The following CTBP2 variants were observed in gnomAD, a reference collection of about 807,000 sequenced individuals.
CTBP2 encodes the protein C-terminal-binding protein 2.
In CTBP2, 30 loss-of-function variants were observed where a neutral mutation model predicts 80.3. The ratio of observed to expected loss-of-function variants is 0.37; its 90% CI spans 0.28 to 0.51. The LOEUF (loss-of-function observed/expected upper bound fraction) is 0.51. Ranked by LOEUF, CTBP2 falls within the 20% of genes least tolerant of loss-of-function variation. The pLI, the probability that CTBP2 is intolerant of heterozygous loss-of-function variation, is 0.93. For synonymous variants in CTBP2, 594 were observed against 587.4 expected, an observed-to-expected ratio of 1.01 and a Z score of -0.16; for missense variants, 1,212 against 1,375.3, an observed-to-expected ratio of 0.88 and a Z score of 1.88.
At chr10:125,050,579 A>G (rs1031860619) in intron 2 of CTBP2, among the ~76,000 whole-genome samples, 51 of 152,184 alleles carry the variant, frequency 3.4e-4, no homozygotes, top group African/African-American at 1.1e-3. Flanking sequence ...GTGTCACACA[A>G]ATTCATCTTT....
rs145174951 is a variant in CTBP2 at position 125,003,419 on chromosome 10, G to A, written c.1752C>T (p.Cys584=). The stretch of plus-strand genomic sequence containing the variant: ...CCTTCAGGATGGGCATCTCCACAGT[G>A]CAGTCGCGGCCGTCCAGCAGCGCCA... Residue 584 remains cysteine, a synonymous_variant, in exon 2 of 9, where the codon TGC becomes TGT. Coordinates refer to ENST00000309035, the MANE Select transcript of CTBP2 (RefSeq NM_022802.3). 367 of 1,593,524 alleles carry A rather than the reference G, an allele frequency of 2.3e-4. 1 individual carries two copies. In the African/African-American group the frequency reaches 4.3e-3, roughly 19 times the overall value.
intron 1 of CTBP2, chr10:125,006,009 G>A: frequency 7.0e-7 from 1 of 1,428,064 alleles, no homozygotes; most frequent in Non-Finnish European, 9.1e-7. Flanking sequence ...AGAGGCCATT[G>A]TCACAAGATG....
At chr10:125,048,699 C>G (rs1478277653) in intron 2 of CTBP2, among the ~76,000 whole-genome samples, 2 of 152,158 alleles carry the variant, frequency 1.3e-5, no homozygotes, top group Non-Finnish European at 2.9e-5. Context: ...CTGACAGCAA[C>G]CAGTTAGTGT....
intron 2 of CTBP2, among the ~76,000 whole-genome samples, chr10:125,080,184 AT>A (rs1166768579): frequency 1.3e-5 from 2 of 152,040 alleles, no homozygotes; most frequent in African/African-American, 4.8e-5. Context: ...AGGGGCCCAT[AT>A]TTTTTGGAGA....
At chr10:125,148,938 G>A (rs1219672851) in intron 1 of CTBP2, among the ~76,000 whole-genome samples, 3 of 152,234 alleles carry the variant, frequency 2.0e-5, no homozygotes, top group Non-Finnish European at 2.9e-5. Context: ...AGCATGCGCC[G>A]TGGAGGAGCG....
intron 1 of CTBP2, among the ~76,000 whole-genome samples, chr10:125,138,801 T>C (rs1333963167): frequency 6.6e-6 from 1 of 152,176 alleles, no homozygotes; most frequent in East Asian, 1.9e-4. Flanking sequence ...CCTTGATTCT[T>C]GGGTGCAAGA....
At chr10:125,038,881 A>G in intron 3 of CTBP2, 116 bp downstream of exon 3, 1 of 1,014,860 alleles carries the variant, frequency 9.9e-7, no homozygotes, top group Middle Eastern at 2.1e-4. Context: ...GCAGTGTTGG[A>G]ATCGGAGGAG....
rs66522424 is a variant in CTBP2 at position 125,086,613 on chromosome 10, TAAAAAA to T, written c.-102+24371_-102+24376del. Among the ~76,000 whole-genome samples, 82 of 116,456 alleles carry T rather than the reference TAAAAAA, an allele frequency of 7.0e-4. 1 individual carries two copies. Among genetic ancestry groups the T allele is most frequent in the Admixed American group, 7.9e-4 (8 of 10,176 alleles). The allele number at this position is 116,456 out of a possible 152,430, so 76.4% of individuals were successfully genotyped here. The stretch of plus-strand genomic sequence containing the variant: ...CTGGGCAATCGAGCAAAATTTTATT[TAAAAAA>T]AAAAAAAAAAAAAAAAAGGAAGATC... On this transcript the variant is annotated intron_variant, in intron 2 of 10. Coordinates refer to the CTBP2 transcript ENST00000337195.
intron 2 of CTBP2, among the ~76,000 whole-genome samples, chr10:125,093,299 G>A (rs1152674): frequency 0.032 from 4,832 of 152,276 alleles, 245 homozygotes; most frequent in African/African-American, 0.11. Flanking sequence ...AAAACAGAAG[G>A]CAGGCTTAAT....
intron 1 of CTBP2, among the ~76,000 whole-genome samples, chr10:125,135,997 G>C (rs1856915008): frequency 6.6e-6 from 1 of 152,268 alleles, no homozygotes; most frequent in Admixed American, 6.5e-5. Flanking sequence ...CAGCTGAGGA[G>C]TGCTGGCTGG....
At position 125,021,627 on chromosome 10, in the gene CTBP2, C is replaced by T. The variant is rs1035451011; in HGVS notation, c.1678+4455G>A. On this transcript the variant is annotated intron_variant, in intron 1 of 8. Transcript: ENST00000309035. Reference sequence around the variant, plus strand: ...GATCACTGCTGTTCTGCCATGAAGGCGGAGGGTGATCTGGCGAGGTCACAA... The same window carrying T: ...GATCACTGCTGTTCTGCCATGAAGGTGGAGGGTGATCTGGCGAGGTCACAA... Among the ~76,000 whole-genome samples the T allele has an allele frequency of 7.2e-5, 11 of 152,098 alleles. No homozygotes were observed. In the East Asian group the frequency reaches 1.2e-3, roughly 16 times the overall value.
intron 2 of CTBP2, among the ~76,000 whole-genome samples, chr10:125,071,063 G>T (rs1484758179): frequency 6.6e-6 from 1 of 152,258 alleles, no homozygotes; most frequent in Non-Finnish European, 1.5e-5. Flanking sequence ...CTGAGCAGAT[G>T]CTGCTCTCTG....
rs1356658399 is a variant in CTBP2 at position 125,003,323 on chromosome 10, G to A, written c.1833+15C>T. 6.2e-7 allele frequency: 1 copy of A among 1,605,542 alleles called. No homozygotes were observed. ...CAAGGTCAGTGCAGGCCCCGGCCGG[G>A]CAGGGTGGGCCCACCTTCTCGTGGA... On this transcript the variant is annotated intron_variant, in intron 2 of 8. Transcript: ENST00000309035.
upstream of CTBP2, chr10:125,161,177 G>A (rs1198329544): frequency 1.3e-5 from 2 of 151,948 alleles, no homozygotes; most frequent in African/African-American, 4.8e-5. Flanking sequence ...GCTCTCTCGG[G>A]GGATTAGTGG....
chr10:125,157,048 G>GT (rs1861045002), intron 1 of CTBP2, among the ~76,000 whole-genome samples: 2 of 152,170 alleles, frequency 1.3e-5, no homozygotes, highest in Admixed American at 6.5e-5. Flanking sequence ...TCACTGGCGT[G>GT]TTTTTTACAA....
intron 4 of CTBP2, chr10:124,996,330 C>G (rs867897010): frequency 1.3e-5 from 2 of 152,156 alleles, no homozygotes; most frequent in South Asian, 4.1e-4. Flanking sequence ...GCACTGAGCC[C>G]GCTGGGCCTG....
At chr10:125,058,520 G>A (rs760957441) in intron 2 of CTBP2, among the ~76,000 whole-genome samples, 9 of 152,142 alleles carry the variant, frequency 5.9e-5, no homozygotes, top group African/African-American at 7.2e-5. Context: ...GGCCGGGCGC[G>A]GTGGCTTACA....
chr10:125,089,068 G>A (rs1242115518), intron 2 of CTBP2, among the ~76,000 whole-genome samples: 1 of 152,186 alleles, frequency 6.6e-6, no homozygotes, highest in Non-Finnish European at 1.5e-5. Flanking sequence ...TTCTTTAATA[G>A]GGTAAGAATA....
At chr10:125,114,555 C>T (rs1205315814) in intron 1 of CTBP2, among the ~76,000 whole-genome samples, 1 of 152,044 alleles carries the variant, frequency 6.6e-6, no homozygotes, top group Non-Finnish European at 1.5e-5. Flanking sequence ...TGTTCTTATA[C>T]TAAGTCAGGC....
Sources: gnomAD v4.1 joint callset for allele counts (sites outside exome capture counted in the v4.1 genomes callset) on GRCh38, gnomAD v4.1.1 for gene constraint, MANE v1.5 for transcripts, NCBI Gene and HGNC (gene_info 2026-07-23, HGNC 2026-07-21) for gene names.